Variants in FGF14 observed in about 807,000 individuals in gnomAD.
The protein encoded by FGF14 is fibroblast growth factor homologous factor 4.
A neutral mutation model predicts 25.5 loss-of-function variants in FGF14; 5 were observed. The ratio of observed to expected loss-of-function variants is 0.20; its 90% CI spans 0.10 to 0.41. The LOEUF (loss-of-function observed/expected upper bound fraction) is 0.41. Among genes scored for constraint, FGF14 ranks in the 10% least tolerant of loss-of-function variants. The pLI, the probability that FGF14 is intolerant of heterozygous loss-of-function variation, is 1.00. For missense variants in FGF14, 222 were observed against 320.1 expected (o/e 0.69, Z 2.34); for synonymous variants, 138 against 118.3 (o/e 1.17, Z -1.08).
chr13:102,017,686 A>G (rs1323391672), intron 1 of FGF14, among the ~76,000 whole-genome samples: 5 of 152,034 alleles, frequency 3.3e-5, no homozygotes, highest in African/African-American at 1.2e-4. Context: ...TTCATCAATT[A>G]TTTCCTTAAT....
intron 1 of FGF14, among the ~76,000 whole-genome samples, chr13:102,334,544 T>C (rs142877177): frequency 6.4e-4 from 98 of 152,230 alleles, no homozygotes; most frequent in African/African-American, 2.4e-3. Context: ...AAATGAGATG[T>C]TCTCTTTTGC....
chr13:102,033,414 A>G (rs1358604685), intron 1 of FGF14, among the ~76,000 whole-genome samples: 2 of 152,190 alleles, frequency 1.3e-5, no homozygotes, highest in Non-Finnish European at 2.9e-5. Context: ...CTGGGAGAAA[A>G]AGAAGCGTTC....
Position 101,916,606 on chromosome 13 carries a change from G to T in FGF14, c.40C>A (p.Arg14=). The change falls in exon 1 of 5, where the codon CGG becomes AGG. Residue 14 remains arginine, a synonymous_variant. Transcript: ENST00000376143. ...TCCCAGTGCTGCTCCCGCGCCTGCCGCTTCTGGCGGATCAAGCCGCTAGCG... is the reference window on the plus strand; with the variant it reads ...TCCCAGTGCTGCTCCCGCGCCTGCCTCTTCTGGCGGATCAAGCCGCTAGCG... ...AIASGLIRQK[R]QAREQHWDRP... The T allele has an allele frequency of 1.3e-6, 2 of 1,592,786 alleles. No homozygotes were observed. Among genetic ancestry groups the T allele is most frequent in the Non-Finnish European group, 1.7e-6 (2 of 1,169,190 alleles).
chr13:102,124,407 T>C (rs1392779153), intron 1 of FGF14, among the ~76,000 whole-genome samples: 1 of 152,106 alleles, frequency 6.6e-6, no homozygotes, highest in Non-Finnish European at 1.5e-5. Context: ...TGTTGAGTTG[T>C]AGCCATAGTG....
intron 1 of FGF14, among the ~76,000 whole-genome samples, chr13:102,176,937 C>T (rs1340783212): frequency 6.6e-6 from 1 of 152,064 alleles, no homozygotes; most frequent in Non-Finnish European, 1.5e-5. Flanking sequence ...TACTAGTTGT[C>T]CCTCATTATT....
At chr13:102,247,235 G>C (rs2051921540) in intron 1 of FGF14, among the ~76,000 whole-genome samples, 1 of 151,934 alleles carries the variant, frequency 6.6e-6, no homozygotes, top group Non-Finnish European at 1.5e-5. Context: ...CTTGACAAAC[G>C]GTATTTCATT....
chr13:102,226,606 G>A (rs931533628), intron 1 of FGF14, among the ~76,000 whole-genome samples: 1 of 152,044 alleles, frequency 6.6e-6, no homozygotes, highest in African/African-American at 2.4e-5. Flanking sequence ...ATATTATTCA[G>A]TCTCCTTTTG....
chr13:102,061,713 C>A lies in FGF14; in HGVS notation c.209-186417G>T, dbSNP rs1483001911. ...TAGAAGGCAGAACTGACACATGTGG[C>A]CTCCAGTGCTTGGTCACAGAAGGCA... On this transcript the variant is annotated intron_variant, in intron 1 of 4. Transcript: ENST00000376131. Among the ~76,000 whole-genome samples the A allele has an allele frequency of 2.6e-5, 4 of 152,140 alleles. No individual in the cohort carries two copies. The East Asian group carries it at 7.7e-4, about 29-fold the overall frequency.
Position 101,720,516 on chromosome 13 carries a change from T to TG in FGF14, c.*2314dup, listed in dbSNP as rs1425667871. 6.8e-6 allele frequency: 1 copy of TG among 146,356 alleles called. No individual in the cohort carries two copies. Among genetic ancestry groups the TG allele is most frequent in the African/African-American group, 2.5e-5 (1 of 39,274 alleles). 9.1% of individuals were successfully genotyped at this position (146,356 alleles called of 1,614,324 possible). A position where few individuals can be genotyped will look rare whatever the true frequency, so the allele number is the denominator to read the frequency against. On this transcript the variant is annotated 3_prime_UTR_variant, in exon 5 of 5. Transcript: ENST00000376143. The stretch of plus-strand genomic sequence containing the variant: ...GGGCTAATTATCAGTAACAAATAGA[T>TG]GGGGGTGTTTGCTCTGTGTGTGTGT...
At chr13:101,981,263 G>C (rs1566528613) in intron 1 of FGF14, among the ~76,000 whole-genome samples, 1 of 151,776 alleles carries the variant, frequency 6.6e-6, no homozygotes, top group African/African-American at 2.4e-5. Context: ...CTGAGCAACA[G>C]AGTGAGATTC....
chr13:101,796,963 C>T (rs567546702), intron 3 of FGF14, among the ~76,000 whole-genome samples: 5 of 152,050 alleles, frequency 3.3e-5, no homozygotes, highest in Non-Finnish European at 7.4e-5. Context: ...CTGACCTCCA[C>T]GGGATAACTA....
chr13:102,260,642 C>G (rs1321884956), intron 1 of FGF14, among the ~76,000 whole-genome samples: 1 of 152,240 alleles, frequency 6.6e-6, no homozygotes, highest in Non-Finnish European at 1.5e-5. Flanking sequence ...CTGTAACGTG[C>G]CAAGAGGCAA....
At chr13:101,833,198 G>C (rs1409119368) in intron 3 of FGF14, among the ~76,000 whole-genome samples, 1 of 152,004 alleles carries the variant, frequency 6.6e-6, no homozygotes, top group Non-Finnish European at 1.5e-5. Context: ...ATGGCATTAA[G>C]AGCTTATTTG....
intron 1 of FGF14, among the ~76,000 whole-genome samples, chr13:102,260,762 CACCCA>C (rs1373989353): frequency 2.0e-5 from 3 of 152,200 alleles, no homozygotes; most frequent in African/African-American, 7.2e-5. Context: ...TTGCAGTACA[CACCCA>C]GTGTAGCCTG....
At chr13:101,902,766 C>A (rs2031734953) in intron 1 of FGF14, among the ~76,000 whole-genome samples, 1 of 152,180 alleles carries the variant, frequency 6.6e-6, no homozygotes, top group Non-Finnish European at 1.5e-5. Flanking sequence ...AAAATCCTGT[C>A]ATGGTTTTGA....
At chr13:101,932,404 G>A (rs2034811447) in intron 1 of FGF14, among the ~76,000 whole-genome samples, 1 of 151,520 alleles carries the variant, frequency 6.6e-6, no homozygotes, top group South Asian at 2.1e-4. Flanking sequence ...GTGGTGGCTG[G>A]TGCCTGTAAT....
At chr13:101,809,149 C>A (rs2041358813) in intron 3 of FGF14, among the ~76,000 whole-genome samples, 1 of 69,570 alleles carries the variant, frequency 1.4e-5, no homozygotes, top group South Asian at 4.5e-4. Context: ...ACAATTCAAG[C>A]AAAAATTTTC....
intron 1 of FGF14, among the ~76,000 whole-genome samples, chr13:101,980,706 G>A (rs1215657153): frequency 1.3e-5 from 2 of 152,170 alleles, no homozygotes; most frequent in Non-Finnish European, 2.9e-5. Context: ...CAAGCCATCA[G>A]GGAGGGTTAA....
intron 1 of FGF14, among the ~76,000 whole-genome samples, chr13:101,880,620 G>T (rs957029094): frequency 2.6e-5 from 4 of 152,068 alleles, no homozygotes; most frequent in Non-Finnish European, 5.9e-5. Context: ...AACAGCTCTT[G>T]CCCTCAAAGA....
Sources: allele counts gnomAD v4.1 joint callset (sites outside exome capture counted in the v4.1 genomes callset), GRCh38; gene constraint gnomAD v4.1.1; transcripts MANE v1.5; gene names NCBI Gene and HGNC (gene_info 2026-07-23, HGNC 2026-07-21).